CNTNAP2: variants seen among roughly 807,000 people sequenced by gnomAD.
The protein encoded by CNTNAP2 is contactin associated protein 2.
A neutral mutation model predicts 155.2 loss-of-function variants in CNTNAP2; 98 were observed. That is an observed-to-expected ratio of 0.63 (90% CI 0.54 to 0.75). The LOEUF (loss-of-function observed/expected upper bound fraction) is 0.75, where lower values mean the gene tolerates loss of function less well. Among genes scored for constraint, CNTNAP2 ranks in the 30% least tolerant of loss-of-function variants. CNTNAP2 has a pLI of 0.00. For synonymous variants in CNTNAP2, 651 were observed against 631.2 expected (o/e 1.03, Z -0.47); for missense variants, 1,727 against 1,688.1 (o/e 1.02, Z -0.40).
chr7:146,607,843 T>C (rs1799073168), intron 1 of CNTNAP2, among the ~76,000 whole-genome samples: 1 of 152,122 alleles, frequency 6.6e-6, no homozygotes, highest in Admixed American at 6.5e-5. Flanking sequence ...CATCCAAACC[T>C]AAAATTTTCC....
chr7:146,689,210 G>T (rs1352559363), intron 1 of CNTNAP2, among the ~76,000 whole-genome samples: 1 of 151,880 alleles, frequency 6.6e-6, no homozygotes, highest in African/African-American at 2.4e-5. Context: ...TACTCCATTT[G>T]GCTAATCCTT....
intron 18 of CNTNAP2, among the ~76,000 whole-genome samples, chr7:148,200,178 G>T (rs1219183385): frequency 6.6e-6 from 1 of 152,202 alleles, no homozygotes; most frequent in Admixed American, 6.5e-5. Context: ...TATCAGCCAT[G>T]TGGGCATCTC....
intron 13 of CNTNAP2, among the ~76,000 whole-genome samples, chr7:147,856,476 A>G (rs73746204): frequency 0.032 from 4,915 of 152,256 alleles, 274 homozygotes; most frequent in African/African-American, 0.11. Flanking sequence ...CTTGCACACG[A>G]ATCCTCCTCT....
chr7:146,798,419 A>G (rs913574082), intron 2 of CNTNAP2, among the ~76,000 whole-genome samples: 1 of 152,034 alleles, frequency 6.6e-6, no homozygotes, highest in Admixed American at 6.5e-5. Flanking sequence ...TTGGCTCACT[A>G]TAGCCTCTGC....
chr7:147,456,216 T>C (rs1797915698), intron 10 of CNTNAP2, among the ~76,000 whole-genome samples: 1 of 152,156 alleles, frequency 6.6e-6, no homozygotes, highest in Non-Finnish European at 1.5e-5. Flanking sequence ...CCCACTGTTT[T>C]TACTGTGATT....
At chr7:146,655,630 C>T (rs1799984291) in intron 1 of CNTNAP2, among the ~76,000 whole-genome samples, 1 of 151,908 alleles carries the variant, frequency 6.6e-6, no homozygotes, top group Non-Finnish European at 1.5e-5. Context: ...AATAATTGAT[C>T]TCCCTACATG....
rs771048326 is a variant in CNTNAP2 at position 148,076,422 on chromosome 7, CTTTTTTTTTTTTTTTTTT to C, written c.2384-41682_2384-41665del. On this transcript the variant is annotated intron_variant, in intron 15 of 23. Transcript: ENST00000361727. ...TGTAGACCTATGATAGCTCTGACTTCTTTTTTTTTTTTTTTTTTTTTTTTTTTTTTTGAGACAGAGTCT... is the reference window on the plus strand; with the variant it reads ...TGTAGACCTATGATAGCTCTGACTTCTTTTTTTTTTTTTGAGACAGAGTCT... Among the ~76,000 whole-genome samples the C allele has an allele frequency of 2.2e-4, 11 of 49,804 alleles. 1 individual carries two copies. The highest frequency in any genetic ancestry group is 8.0e-4 in the East Asian group (1 of 1,250). The allele number at this position is 49,804 out of a possible 152,430, so 32.7% of individuals were successfully genotyped here.
intron 13 of CNTNAP2, among the ~76,000 whole-genome samples, chr7:147,872,858 T>C (rs1344595585): frequency 2.0e-5 from 3 of 152,160 alleles, no homozygotes; most frequent in Non-Finnish European, 4.4e-5. Flanking sequence ...AAGAAAAATG[T>C]ACAAATAATT....
chr7:147,232,001 C>A (rs1433922905), intron 8 of CNTNAP2, among the ~76,000 whole-genome samples: 2 of 152,058 alleles, frequency 1.3e-5, no homozygotes, highest in African/African-American at 4.8e-5. Context: ...AATCAACATA[C>A]AAATCAGTTG....
intron 16 of CNTNAP2, 53 bp from the exon 17 acceptor site, chr7:148,147,438 T>C: frequency 1.3e-6 from 2 of 1,541,054 alleles, no homozygotes; most frequent in South Asian, 1.1e-5. Flanking sequence ...TTTACTGCTA[T>C]TTGGTATCTG....
At chr7:146,248,008 G>A (rs1446738672) in intron 1 of CNTNAP2, among the ~76,000 whole-genome samples, 1 of 151,688 alleles carries the variant, frequency 6.6e-6, no homozygotes, top group Admixed American at 6.6e-5. Flanking sequence ...ACGGAAATAA[G>A]GGATCGGGGC....
At chr7:148,322,564 T>C (rs951336081) in intron 21 of CNTNAP2, among the ~76,000 whole-genome samples, 15 of 152,198 alleles carry the variant, frequency 9.9e-5, no homozygotes, top group Non-Finnish European at 2.2e-4. Context: ...AAAGTTGTAC[T>C]TGGGCACGTC....
At chr7:146,949,547 T>C (rs1167714637) in intron 3 of CNTNAP2, among the ~76,000 whole-genome samples, 1 of 152,176 alleles carries the variant, frequency 6.6e-6, no homozygotes, top group Non-Finnish European at 1.5e-5. Context: ...TTTAGACAAA[T>C]TTCCTGAGGT....
intron 9 of CNTNAP2, among the ~76,000 whole-genome samples, chr7:147,379,953 A>G (rs966351917): frequency 7.2e-5 from 11 of 151,972 alleles, no homozygotes; most frequent in Non-Finnish European, 1.3e-4. Context: ...CTCCTATTTT[A>G]CTGGATGCTC....
At chr7:148,009,979 A>T (rs1160060868) in intron 15 of CNTNAP2, among the ~76,000 whole-genome samples, 3 of 152,086 alleles carry the variant, frequency 2.0e-5, no homozygotes, top group Non-Finnish European at 4.4e-5. Flanking sequence ...GTGTGGAGTT[A>T]TTCAGTTTTA....
chr7:146,209,301 T>C (rs772040701), intron 1 of CNTNAP2, among the ~76,000 whole-genome samples: 42 of 152,178 alleles, frequency 2.8e-4, no homozygotes, highest in Admixed American at 7.2e-4. Context: ...CACAGGATTC[T>C]CTGGGTCTCT....
At chr7:147,796,714 A>T (rs1366920821) in intron 13 of CNTNAP2, among the ~76,000 whole-genome samples, 1 of 152,216 alleles carries the variant, frequency 6.6e-6, no homozygotes, top group Non-Finnish European at 1.5e-5. Flanking sequence ...ATAACCAAGC[A>T]CAGCTGGGCA....
rs1287822679 is a variant in CNTNAP2 at position 146,695,098 on chromosome 7, G to A, written c.98-79173G>A. Among the ~76,000 whole-genome samples, 3 of 152,166 alleles carry A rather than the reference G, an allele frequency of 2.0e-5. No homozygotes were observed. The East Asian group carries it at 5.8e-4, about 29-fold the overall frequency. ...TTGATTTCCTTTTCTAATTGCATAA[G>A]CTAGTACTTTCATGACAATGTTGAA... On this transcript the variant is annotated intron_variant, in intron 1 of 23. Coordinates refer to ENST00000361727, the MANE Select transcript of CNTNAP2 (RefSeq NM_014141.6).
At chr7:147,360,831 G>A (rs1407452855) in intron 9 of CNTNAP2, among the ~76,000 whole-genome samples, 1 of 152,104 alleles carries the variant, frequency 6.6e-6, no homozygotes, top group African/African-American at 2.4e-5. Context: ...GCAGAGAGAA[G>A]ATTAAGGCCA....
Sources: allele counts gnomAD v4.1 joint callset (sites outside exome capture counted in the v4.1 genomes callset), GRCh38; gene constraint gnomAD v4.1.1; transcripts MANE v1.5; gene names NCBI Gene and HGNC (gene_info 2026-07-23, HGNC 2026-07-21).